The following CATSPERB variants were observed in gnomAD, a reference collection of about 807,000 sequenced individuals.
CATSPERB encodes catsper channel auxiliary subunit beta.
In CATSPERB, 93 loss-of-function variants were observed where a neutral mutation model predicts 128.3. That is an observed-to-expected ratio of 0.72 (90% confidence interval 0.61 to 0.86). CATSPERB has a LOEUF of 0.86. CATSPERB is among the 40% of genes least tolerant of loss of function. The pLI, the probability that CATSPERB is intolerant of heterozygous loss-of-function variation, is 0.00. For missense variants in CATSPERB, 1,153 were observed against 1,329.5 expected (o/e 0.87, Z 2.06); for synonymous variants, 381 against 448.8 (o/e 0.85, Z 1.91).
At chr14:91,723,296 A>AAT in intron 3 of CATSPERB, 107 bp from the exon 4 acceptor site, 1 of 722,610 alleles carries the variant, frequency 1.4e-6, no homozygotes, top group Non-Finnish European at 2.0e-6. Context: ...GTTAGGAAAA[A>AAT]ATATATATAT....
chr14:91,660,122 A>T (rs925688586), intron 14 of CATSPERB, 141 bp from the exon 15 acceptor site: 41 of 535,414 alleles, frequency 7.7e-5, no homozygotes, highest in Admixed American at 1.4e-4. Flanking sequence ...TCTCTCACAC[A>T]CACACACACA....
At chr14:91,668,331 A>C (rs1038530456) in intron 14 of CATSPERB, among the ~76,000 whole-genome samples, 2 of 149,490 alleles carry the variant, frequency 1.3e-5, no homozygotes, top group Non-Finnish European at 3.0e-5. Flanking sequence ...AAAACACACC[A>C]ATCAGTGCTC....
chr14:91,606,994 T>C (rs1032856501), intron 22 of CATSPERB, among the ~76,000 whole-genome samples: 8 of 148,504 alleles, frequency 5.4e-5, no homozygotes, highest in Non-Finnish European at 8.9e-5. Context: ...CTCAGTATCA[T>C]AGCTAATCAT....
chr14:91,640,148 C>G (rs75059783), intron 15 of CATSPERB, among the ~76,000 whole-genome samples: 1 of 152,110 alleles, frequency 6.6e-6, no homozygotes, highest in Non-Finnish European at 1.5e-5. Flanking sequence ...CTGATCCTCA[C>G]GCAAACCTCC....
At chr14:91,584,883 G>A (rs1319134765) in intron 26 of CATSPERB, among the ~76,000 whole-genome samples, 1 of 152,060 alleles carries the variant, frequency 6.6e-6, no homozygotes, top group Non-Finnish European at 1.5e-5. Flanking sequence ...ATGTGTTCAG[G>A]CATGGTTTTC....
chr14:91,669,723 A>C, intron 14 of CATSPERB, 91 bp downstream of exon 14: 4 of 1,253,600 alleles, frequency 3.2e-6, no homozygotes, highest in Non-Finnish European at 3.3e-6. Flanking sequence ...CTAGGTCATC[A>C]GAGAAGCTCT....
intron 7 of CATSPERB, among the ~76,000 whole-genome samples, chr14:91,702,686 A>ACACACG (rs1162383460): frequency 6.6e-6 from 1 of 151,284 alleles, no homozygotes; most frequent in Non-Finnish European, 1.5e-5. Context: ...ACACACACAC[A>ACACACG]CACACACACA....
chr14:91,612,902 TCAATGG>T (rs967459948), intron 20 of CATSPERB, among the ~76,000 whole-genome samples: 10 of 152,144 alleles, frequency 6.6e-5, no homozygotes, highest in Non-Finnish European at 1.5e-5. Context: ...TTTCTACAAT[TCAATGG>T]CAGGGGAAGA....
At chr14:91,587,477 C>CTTTTT (rs3029803) in intron 25 of CATSPERB, among the ~76,000 whole-genome samples, 29 of 101,540 alleles carry the variant, frequency 2.9e-4, no homozygotes, top group Middle Eastern at 5.3e-3. Flanking sequence ...ATAGCTGATA[C>CTTTTT]TTTTTTTTTT....
At chr14:91,636,690 C>T (rs1595157841) in intron 16 of CATSPERB, 111 bp from the exon 17 acceptor site, 1 of 831,650 alleles carries the variant, frequency 1.2e-6, no homozygotes, top group Non-Finnish European at 1.8e-6. Flanking sequence ...TACTGGTTTA[C>T]TTATCAATTG....
At chr14:91,639,670 C>G (rs1402848729) in intron 15 of CATSPERB, among the ~76,000 whole-genome samples, 4 of 152,102 alleles carry the variant, frequency 2.6e-5, no homozygotes, top group African/African-American at 9.7e-5. Flanking sequence ...TATGTTGAAC[C>G]AAACTGGGCG....
chr14:91,696,407 G>C (rs958759148), intron 7 of CATSPERB, among the ~76,000 whole-genome samples: 2 of 152,224 alleles, frequency 1.3e-5, no homozygotes, highest in Admixed American at 1.3e-4. Context: ...TGCTGGAAAG[G>C]AAAGTAGAAT....
chr14:91,702,963 T>G (rs1322435300), intron 7 of CATSPERB, among the ~76,000 whole-genome samples: 1 of 151,960 alleles, frequency 6.6e-6, no homozygotes, highest in Non-Finnish European at 1.5e-5. Flanking sequence ...TAATAGGATT[T>G]TTTAAATTAT....
intron 22 of CATSPERB, chr14:91,592,690 A>G (rs184462173): frequency 6.6e-6 from 1 of 151,996 alleles, no homozygotes; most frequent in Non-Finnish European, 1.5e-5. Flanking sequence ...TGAAAAAAAA[A>G]TTTTTTGGTA....
At chr14:91,694,432 C>T (rs924710002) in intron 7 of CATSPERB, among the ~76,000 whole-genome samples, 4 of 101,248 alleles carry the variant, frequency 4.0e-5, no homozygotes, top group South Asian at 3.7e-4. Flanking sequence ...AAGAGAGACC[C>T]TATCTCAAAA....
intron 5 of CATSPERB, 43 bp from the exon 6 acceptor site, chr14:91,708,279 T>C (rs761901322): frequency 2.3e-6 from 3 of 1,285,174 alleles, no homozygotes; most frequent in Admixed American, 3.7e-5. Flanking sequence ...TTTTTTCATA[T>C]GTTGTGTTTG....
chr14:91,653,920 T>C (rs2139816828), intron 15 of CATSPERB, among the ~76,000 whole-genome samples: 1 of 152,294 alleles, frequency 6.6e-6, no homozygotes, highest in South Asian at 2.1e-4. Context: ...TGGGTCCAAG[T>C]CCTATCTAAA....
chr14:91,674,075 T>G (rs964197928), intron 12 of CATSPERB, 101 bp downstream of exon 12: 2 of 681,964 alleles, frequency 2.9e-6, no homozygotes, highest in African/African-American at 3.7e-5. Flanking sequence ...TTGTGAAGCC[T>G]TTCAGTCTGT....
At chr14:91,604,747 C>T (rs1450513140) in intron 22 of CATSPERB, 1 of 1,613,698 alleles carries the variant, frequency 6.2e-7, no homozygotes. Flanking sequence ...TTGGAAAGTT[C>T]CCAGTCATGT....
Sources: allele counts gnomAD v4.1 joint callset (sites outside exome capture counted in the v4.1 genomes callset), GRCh38; gene constraint gnomAD v4.1.1; transcripts MANE v1.5; gene names NCBI Gene and HGNC (gene_info 2026-07-23, HGNC 2026-07-21).